Variants in AGRN observed in about 807,000 individuals in gnomAD.
AGRN encodes agrin proteoglycan.
A neutral mutation model predicts 211.0 loss-of-function variants in AGRN; 106 were observed. The observed-to-expected ratio is 0.50, with a 90% CI of 0.43 to 0.59. The LOEUF (loss-of-function observed/expected upper bound fraction) is 0.59, where lower values mean the gene tolerates loss of function less well. Among genes scored for constraint, AGRN ranks in the 20% least tolerant of loss-of-function variants. The pLI, the probability that AGRN is intolerant of heterozygous loss-of-function variation, is 0.00. For missense variants in AGRN, 3,040 were observed against 2,982.6 expected, an observed-to-expected ratio of 1.02 and a Z score of -0.45; for synonymous variants, 1,525 against 1,332.5, an observed-to-expected ratio of 1.14 and a Z score of -3.15.
At chr1:1,054,016 G>A (rs747581179) in intron 34 of AGRN, 39 bp downstream of exon 34, 1 of 1,551,884 alleles carries the variant, frequency 6.4e-7, no homozygotes, top group South Asian at 1.2e-5. Flanking sequence ...TAGTGGCGAG[G>A]GCTGCCCAGA....
chr1:1,023,545 G>A (rs543989194), intron 2 of AGRN, among the ~76,000 whole-genome samples: 1 of 152,272 alleles, frequency 6.6e-6, no homozygotes, highest in East Asian at 1.9e-4. Flanking sequence ...GAAAAGATGG[G>A]GGCATCGTGG....
intron 19 of AGRN, 35 bp downstream of exon 19, chr1:1,046,992 T>C: frequency 6.4e-7 from 1 of 1,560,580 alleles, no homozygotes; most frequent in Non-Finnish European, 8.7e-7. Flanking sequence ...AGTGTGAGGA[T>C]AGCCTGGGCT....
In AGRN at chr1:1,042,075, G is replaced by C. The variant is rs373754480; in HGVS notation, c.1297G>C (p.Gly433Arg). The change falls in exon 7 of 36, where the codon GGG becomes CGG. Residue 433 changes from glycine to arginine, a missense_variant. By Grantham distance (125) the Gly-to-Arg change is moderately radical (BLOSUM62 -2). This residue lies in a region of AGRN where 1,498 missense variants were observed against 1,457.8 expected (regional missense o/e 1.03). Transcript: ENST00000379370. ...GAYRPVCAQD[G>R]RTYDSDCWRQ... ...CTACAGGCCCGTGTGTGCCCAGGAC[G>C]GGCGCACGTATGACAGTGATTGCTG... is the stretch of plus-strand genomic sequence containing the variant. 1 of 1,606,386 alleles carries C rather than the reference G, an allele frequency of 6.2e-7. No individual in the cohort carries two copies. Among genetic ancestry groups the C allele is most frequent in the South Asian group, 1.1e-5 (1 of 91,036 alleles).
intron 2 of AGRN, among the ~76,000 whole-genome samples, chr1:1,033,371 C>T (rs1644716214): frequency 6.6e-6 from 1 of 151,728 alleles, no homozygotes; most frequent in South Asian, 2.1e-4. Context: ...ACACGCACGA[C>T]GACGCGCACA....
At chr1:1,023,246 C>T (rs1482765376) in intron 2 of AGRN, among the ~76,000 whole-genome samples, 3 of 152,200 alleles carry the variant, frequency 2.0e-5, no homozygotes, top group South Asian at 2.1e-4. Flanking sequence ...CTCCGTTGGC[C>T]GGCAGGAAAC....
In AGRN at chr1:1,031,220, G is replaced by GCATGA. The variant is rs539958142; in HGVS notation, c.464-4057_464-4056insCATGA. ...TCAGCATGTGTGTGTGCAGTGCATG[G>GCATGA]TGCTGTGAGTGTATCAGCATGTCTG... On this transcript the variant is annotated intron_variant, in intron 2 of 35. Coordinates refer to ENST00000379370, the MANE Select transcript of AGRN (RefSeq NM_198576.4). This position sits in a 1 kb window ranked among gnomAD's most constrained non-coding sequence, Gnocchi z 4.8. Among the ~76,000 whole-genome samples, 7 of 149,926 alleles carry GCATGA rather than the reference G, an allele frequency of 4.7e-5. No individual in the cohort carries two copies. Among genetic ancestry groups the GCATGA allele is most frequent in the African/African-American group, 1.7e-4 (7 of 40,570 alleles).
rs1644417688 is a variant in AGRN, at chr1:1,022,052, TCCG to T, written c.202-146_202-144del. 5 of 994,656 alleles carry T rather than the reference TCCG, an allele frequency of 5.0e-6. No individual in the cohort carries two copies. The South Asian group carries it at 7.5e-5, about 15-fold the overall frequency. The allele number at this position is 994,656 out of a possible 1,614,324, so 61.6% of individuals were successfully genotyped here. A position where few individuals can be genotyped will look rare whatever the true frequency, so the allele number is the denominator to read the frequency against. Reference sequence around the variant, plus strand: ...TGGCCAGTGTGGGCTTCCCCCAGCTTCCGCCCAGCGGGCTGACTCAGAGGTCTC... The same window carrying T: ...TGGCCAGTGTGGGCTTCCCCCAGCTTCCCAGCGGGCTGACTCAGAGGTCTC... On this transcript the variant is annotated intron_variant, in intron 1 of 35. Coordinates refer to ENST00000379370, the MANE Select transcript of AGRN (RefSeq NM_198576.4).
intron 19 of AGRN, 114 bp downstream of exon 19, chr1:1,047,071 C>T (rs1300372517): frequency 4.7e-6 from 7 of 1,495,538 alleles, no homozygotes; most frequent in Non-Finnish European, 5.4e-6. Flanking sequence ...GGGACTCGGC[C>T]CCCTCAAACA....
intron 2 of AGRN, among the ~76,000 whole-genome samples, chr1:1,023,817 GC>G (rs1167411966): frequency 6.6e-6 from 1 of 152,208 alleles, no homozygotes. Context: ...TGGAGCGAGT[GC>G]CCAGGCGGAG....
chr1:1,020,433 GC>G, intron 1 of AGRN, 60 bp downstream of exon 1: 3 of 1,452,482 alleles, frequency 2.1e-6, no homozygotes, highest in Non-Finnish European at 1.8e-6. Flanking sequence ...CGGGACCCCC[GC>G]CCCAGGCCGT....
In AGRN at chr1:1,031,116, CTGTG is replaced by C. The variant is rs1203261520; in HGVS notation, c.464-4158_464-4155del. 2.7e-5 allele frequency among the ~76,000 whole-genome samples: 3 copies of C among 112,388 alleles called. No homozygotes were observed. Among genetic ancestry groups the C allele is most frequent in the Admixed American group, 2.0e-4 (2 of 10,144 alleles). 73.7% of individuals were successfully genotyped at this position (112,388 alleles called of 152,430 possible). A position where few individuals can be genotyped will look rare whatever the true frequency, so the allele number is the denominator to read the frequency against. On this transcript the variant is annotated intron_variant, in intron 2 of 35. Coordinates refer to ENST00000379370, the MANE Select transcript of AGRN (RefSeq NM_198576.4). The surrounding 1 kb of genome is among the most constrained non-coding windows in gnomAD (Gnocchi z 4.8). Reference sequence around the variant, plus strand: ...GTGTGTGTGTGTGCGGTGCATGGTGCTGTGTGAGATGTGTGTGTGTGCAGTGCAT... The same window carrying C: ...GTGTGTGTGTGTGCGGTGCATGGTGCTGAGATGTGTGTGTGTGCAGTGCAT...
chr1:1,025,256 C>G (rs1644494712), intron 2 of AGRN, among the ~76,000 whole-genome samples: 1 of 152,176 alleles, frequency 6.6e-6, no homozygotes, highest in African/African-American at 2.4e-5. Flanking sequence ...AGCTCTGAAG[C>G]CCGGGGTCCC....
chr1:1,033,921 G>A (rs1644736017), intron 2 of AGRN, among the ~76,000 whole-genome samples: 1 of 151,444 alleles, frequency 6.6e-6, no homozygotes. Context: ...ACTCCCCGCG[G>A]ACGCCGGGGT....
rs756600611 is a variant in AGRN at position 1,020,358 on chromosome 1, C to G, written c.186C>G (p.His62Gln). 1 of 1,499,180 alleles carries G rather than the reference C, an allele frequency of 6.7e-7. No homozygotes were observed. The allele number at this position is 1,499,180 out of a possible 1,614,324, so 92.9% of individuals were successfully genotyped here. A position where few individuals can be genotyped will look rare whatever the true frequency, so the allele number is the denominator to read the frequency against. Residue 62 changes from histidine to glutamine, a missense_variant, in exon 1 of 36, where the codon CAC (histidine) becomes CAG (glutamine). Physicochemically the swap from His to Gln is conservative, Grantham distance 24. This residue lies in a region of AGRN where 1,498 missense variants were observed against 1,457.8 expected (regional missense o/e 1.03). Coordinates refer to ENST00000379370, the MANE Select transcript of AGRN (RefSeq NM_198576.4). Reference protein sequence around the residue: ...EEILNVDPVQHTYSCKVRVWR... With the variant: ...EEILNVDPVQQTYSCKVRVWR... ...TCCTCAACGTGGACCCGGTGCAGCA[C>G]ACGTACTCCTGCAAGGTGCGCCCAC...
At position 1,053,595 on chromosome 1, in the gene AGRN, C is replaced by G. The variant is rs1645370387; in HGVS notation, c.5652-158C>G. 80 of 1,503,158 alleles carry G rather than the reference C, an allele frequency of 5.3e-5. 2 individuals carry two copies. The South Asian group carries it at 9.3e-4, about 17-fold the overall frequency. 93.1% of individuals were successfully genotyped at this position (1,503,158 alleles called of 1,614,324 possible). ...TGCCAGGCTGCCCCTGTCTCCATCC[C>G]TCTTCTCCCTCCCACTGTCGGTGTC... On this transcript the variant is annotated intron_variant, in intron 33 of 35. Coordinates refer to ENST00000379370, the MANE Select transcript of AGRN (RefSeq NM_198576.4).
intron 2 of AGRN, among the ~76,000 whole-genome samples, chr1:1,033,664 G>A (rs1197368521): frequency 3.2e-4 from 13 of 40,962 alleles, no homozygotes; most frequent in African/African-American, 1.2e-3. Flanking sequence ...CCCACCCCCG[G>A]CCCCAGCTTC....
At chr1:1,045,567 A>G (rs1010770851) in intron 14 of AGRN, 44 bp downstream of exon 14, 2 of 1,608,220 alleles carry the variant, frequency 1.2e-6, no homozygotes, top group Non-Finnish European at 1.7e-6. Flanking sequence ...ATGCCCTCCT[A>G]CCTGTTCACC....
intron 2 of AGRN, among the ~76,000 whole-genome samples, chr1:1,022,876 C>T (rs1163798228): frequency 1.3e-5 from 2 of 152,118 alleles, no homozygotes; most frequent in African/African-American, 2.4e-5. Flanking sequence ...GGAGATCGGG[C>T]GGGAGGGCGA....
chr1:1,037,594 C>A (rs1644831316), intron 3 of AGRN, among the ~76,000 whole-genome samples: 1 of 152,198 alleles, frequency 6.6e-6, no homozygotes, highest in Admixed American at 6.5e-5. Flanking sequence ...GGTGGGGAGG[C>A]CGAGTGGCCG....
Sources: gnomAD v4.1 joint callset for allele counts (sites outside exome capture counted in the v4.1 genomes callset) on GRCh38, gnomAD v4.1.1 for gene constraint, gnomAD v4.1.1 regional missense constraint, Gnocchi (gnomAD v3.1) non-coding constraint, MANE v1.5 for transcripts, NCBI Gene and HGNC (gene_info 2026-07-23, HGNC 2026-07-21) for gene names.